ITPRID1: variants seen among roughly 807,000 people sequenced by gnomAD.
ITPRID1 encodes the protein protein ITPRID1.
In ITPRID1, 96 loss-of-function variants were observed where a neutral mutation model predicts 95.4. The ratio of observed to expected loss-of-function variants is 1.01; its 90% CI spans 0.85 to 1.19. ITPRID1 has a LOEUF of 1.19. ITPRID1 is among the 50% of genes most tolerant of loss of function. The pLI is 0.00. For synonymous variants in ITPRID1, 510 were observed against 453.6 expected (o/e 1.12, Z -1.58); for missense variants, 1,339 against 1,252.9 (o/e 1.07, Z -1.04).
chr7:31,613,114 A>G (rs887923841), intron 10 of ITPRID1, among the ~76,000 whole-genome samples: 6 of 152,104 alleles, frequency 3.9e-5, no homozygotes, highest in Admixed American at 2.0e-4. Context: ...TTTTTGTTTG[A>G]GAGTCCACAC....
chr7:31,621,776 TGGA>T (rs1562620466), intron 10 of ITPRID1, among the ~76,000 whole-genome samples: 1 of 147,748 alleles, frequency 6.8e-6, no homozygotes, highest in African/African-American at 2.5e-5. Context: ...TAAATGTAAA[TGGA>T]CTAAATGCTC....
intron 12 of ITPRID1, among the ~76,000 whole-genome samples, chr7:31,649,367 G>C (rs1790759440): frequency 6.6e-6 from 1 of 152,108 alleles, no homozygotes; most frequent in Non-Finnish European, 1.5e-5. Flanking sequence ...GGTCTCCATG[G>C]AAGGAGGAAG....
At chr7:31,646,844 T>G (rs193096535) in intron 12 of ITPRID1, among the ~76,000 whole-genome samples, 48 of 152,310 alleles carry the variant, frequency 3.2e-4, no homozygotes, top group African/African-American at 1.2e-3. Flanking sequence ...TCCTATTGCC[T>G]TCACCTTCTT....
chr7:31,638,195 G>A (rs1012995484), intron 10 of ITPRID1, among the ~76,000 whole-genome samples: 1 of 152,312 alleles, frequency 6.6e-6, no homozygotes, highest in South Asian at 2.1e-4. Flanking sequence ...AGGAAAACGG[G>A]TGGTATTTTT....
chr7:31,602,772 G>A (rs949331015), intron 10 of ITPRID1, among the ~76,000 whole-genome samples: 14 of 152,188 alleles, frequency 9.2e-5, no homozygotes, highest in Middle Eastern at 3.4e-3. Context: ...GGGATTTGGT[G>A]TCTGAGGCTG....
At chr7:31,543,905 C>A (rs1300617060) in intron 1 of ITPRID1, among the ~76,000 whole-genome samples, 2 of 151,966 alleles carry the variant, frequency 1.3e-5, no homozygotes, top group African/African-American at 4.8e-5. Context: ...TTGCATTGTA[C>A]ATTTAGGTCT....
intron 1 of ITPRID1, among the ~76,000 whole-genome samples, chr7:31,545,496 C>G (rs1436732886): frequency 6.6e-6 from 1 of 152,060 alleles, no homozygotes; most frequent in Admixed American, 6.6e-5. Context: ...ACAGGGCTAG[C>G]AGTAGATGAA....
At chr7:31,637,103 A>G (rs1024205530) in intron 10 of ITPRID1, among the ~76,000 whole-genome samples, 2 of 151,954 alleles carry the variant, frequency 1.3e-5, no homozygotes, top group Non-Finnish European at 2.9e-5. Flanking sequence ...TCCATGGTGT[A>G]TATGTGCCAC....
At chr7:31,529,803 T>C in intron 1 of ITPRID1, 2 of 1,535,392 alleles carry the variant, frequency 1.3e-6, no homozygotes, top group Non-Finnish European at 1.7e-6. Context: ...ACCATTTCTC[T>C]GCTGAAACTC....
Position 31,577,965 on chromosome 7 carries a change from G to A in ITPRID1, c.701G>A (p.Gly234Glu). ...ILPNRAEEKAGGESVQRTSVS... is the reference protein window; with the variant it reads ...ILPNRAEEKAEGESVQRTSVS... ...CCAAACAGAGCTGAAGAGAAAGCTGGAGGAGAGAGTGTGCAAAGAACCTCA... is the reference window on the plus strand; with the variant it reads ...CCAAACAGAGCTGAAGAGAAAGCTGAAGGAGAGAGTGTGCAAAGAACCTCA... Residue 234 changes from glycine to glutamate, a missense_variant, in exon 9 of 15, where the codon GGA (glycine) becomes GAA (glutamate). Coordinates refer to ENST00000615280, the MANE Select transcript of ITPRID1 (RefSeq NM_001257967.3). The A allele has an allele frequency of 6.2e-7, 1 of 1,613,752 alleles. No individual in the cohort carries two copies. The highest frequency in any genetic ancestry group is 8.5e-7 in the Non-Finnish European group (1 of 1,179,804).
At chr7:31,610,577 T>C (rs1209192171) in intron 10 of ITPRID1, among the ~76,000 whole-genome samples, 2 of 151,810 alleles carry the variant, frequency 1.3e-5, no homozygotes, top group East Asian at 1.9e-4. Flanking sequence ...TGTTGAATTA[T>C]CTGTTTTTCT....
chr7:31,593,533 C>A (rs1356808853), intron 10 of ITPRID1, among the ~76,000 whole-genome samples: 2 of 152,138 alleles, frequency 1.3e-5, no homozygotes, highest in Non-Finnish European at 2.9e-5. Context: ...CACCTTTTCA[C>A]TTATTACATT....
At chr7:31,634,801 G>C (rs192278363) in intron 10 of ITPRID1, among the ~76,000 whole-genome samples, 1 of 152,338 alleles carries the variant, frequency 6.6e-6, no homozygotes, top group Admixed American at 6.5e-5. Flanking sequence ...TCTAGCTGGA[G>C]GAAAAGGACT....
intron 12 of ITPRID1, 100 bp from the exon 13 acceptor site, chr7:31,651,042 G>C: frequency 7.1e-7 from 1 of 1,405,864 alleles, no homozygotes. Context: ...GCCTGTTTGC[G>C]AAAAAAGGGA....
intron 7 of ITPRID1, among the ~76,000 whole-genome samples, chr7:31,573,658 G>T (rs1263525768): frequency 6.6e-6 from 1 of 151,758 alleles, no homozygotes; most frequent in African/African-American, 2.4e-5. Flanking sequence ...CTCGTCAAAA[G>T]GTCTGCTTCC....
intron 10 of ITPRID1, among the ~76,000 whole-genome samples, chr7:31,585,327 A>G (rs886933054): frequency 2.0e-5 from 3 of 152,212 alleles, no homozygotes; most frequent in African/African-American, 7.2e-5. Flanking sequence ...ATACTAGCAG[A>G]AAAATTATGT....
intron 1 of ITPRID1, among the ~76,000 whole-genome samples, chr7:31,520,637 A>G (rs560762641): frequency 1.3e-5 from 2 of 151,500 alleles, no homozygotes; most frequent in Non-Finnish European, 2.9e-5. Flanking sequence ...CATCTTTTGT[A>G]TTTCCTGCCC....
intron 10 of ITPRID1, among the ~76,000 whole-genome samples, chr7:31,623,182 G>A (rs1264369867): frequency 6.6e-6 from 1 of 152,044 alleles, no homozygotes. Flanking sequence ...GGTACAAGGA[G>A]GAACTGGTAC....
rs181901620 is a variant in ITPRID1 at position 31,593,660 on chromosome 7, T to C, written c.1228+10469T>C. 2.8e-3 allele frequency among the ~76,000 whole-genome samples: 427 copies of C among 152,340 alleles called. 1 individual carries two copies. The highest frequency in any genetic ancestry group is 9.8e-3 in the African/African-American group (409 of 41,596). ...ATTACTTTAAAATGTGACCTGACGA[T>C]ACCTCAAAATTTTAAATGGATGCAG... On this transcript the variant is annotated intron_variant, in intron 10 of 14. Coordinates refer to ENST00000615280, the MANE Select transcript of ITPRID1 (RefSeq NM_001257967.3).
Sources: gnomAD v4.1 joint callset for allele counts (sites outside exome capture counted in the v4.1 genomes callset) on GRCh38, gnomAD v4.1.1 for gene constraint, MANE v1.5 for transcripts, NCBI Gene and HGNC (gene_info 2026-07-23, HGNC 2026-07-21) for gene names.